Variants in COLEC12 observed in about 807,000 individuals in gnomAD.
COLEC12 encodes collectin-12.
A neutral mutation model predicts 71.1 loss-of-function variants in COLEC12; 33 were observed. The ratio of observed to expected loss-of-function variants is 0.46; its 90% CI spans 0.35 to 0.62. COLEC12 has a LOEUF of 0.62. COLEC12 is among the 20% of genes least tolerant of loss of function. COLEC12 has a pLI of 0.00. For missense variants in COLEC12, 765 were observed against 916.1 expected (o/e 0.84, Z 2.13); for synonymous variants, 350 against 353.0 (o/e 0.99, Z 0.10).
chr18:379,567 G>A (rs1915187359), intron 2 of COLEC12, among the ~76,000 whole-genome samples: 1 of 152,126 alleles, frequency 6.6e-6, no homozygotes, highest in Non-Finnish European at 1.5e-5. Context: ...AGAGTAGAGA[G>A]AAAGACCTAA....
chr18:456,865 C>T lies in COLEC12; in HGVS notation c.58+23842G>A, dbSNP rs1401511020. Among the ~76,000 whole-genome samples, 8 of 152,172 alleles carry T rather than the reference C, an allele frequency of 5.3e-5. No homozygotes were observed. In the East Asian group the frequency reaches 5.8e-4, roughly 11 times the overall value. ...CTACCCAGAAAGCAAAAACAAAATC[C>T]GGGTGGTAAGGAAGAGCCAGGCAGG... On this transcript the variant is annotated intron_variant, in intron 2 of 9. Transcript: ENST00000400256.
chr18:414,298 A>T (rs61541986), intron 2 of COLEC12, among the ~76,000 whole-genome samples: 1 of 152,154 alleles, frequency 6.6e-6, no homozygotes, highest in Non-Finnish European at 1.5e-5. Flanking sequence ...ATGAACAAAA[A>T]CCAAACTTGG....
Position 335,633 on chromosome 18 carries a change from G to A in COLEC12, c.1328-403C>T, listed in dbSNP as rs552826384. 1.3e-4 allele frequency among the ~76,000 whole-genome samples: 20 copies of A among 152,278 alleles called. 1 individual carries two copies. The South Asian group carries it at 4.1e-3, about 32-fold the overall frequency. Reference sequence around the variant, plus strand: ...GATGGACTCCTGCAAACCAAGGAGGGAGGCCTCGGAGGAAACAACACTGCT... The same window carrying A: ...GATGGACTCCTGCAAACCAAGGAGGAAGGCCTCGGAGGAAACAACACTGCT... On this transcript the variant is annotated intron_variant, in intron 5 of 9. Coordinates refer to ENST00000400256, the MANE Select transcript of COLEC12 (RefSeq NM_130386.3).
chr18:481,973 A>T (rs1337387935), intron 1 of COLEC12, among the ~76,000 whole-genome samples: 6 of 151,852 alleles, frequency 4.0e-5, no homozygotes, highest in Admixed American at 1.3e-4. Flanking sequence ...ACATGGGTAA[A>T]TTGTGGGTTG....
rs558080030 is a variant in COLEC12, at chr18:426,619, T to C, written c.58+54088A>G. On this transcript the variant is annotated intron_variant, in intron 2 of 9. Transcript: ENST00000400256. Reference sequence around the variant, plus strand: ...CTGTAACATCTTATTGATTCCCTCATTAATTAATCAGTTAAATAAATCTTT... The same window carrying C: ...CTGTAACATCTTATTGATTCCCTCACTAATTAATCAGTTAAATAAATCTTT... 5.3e-5 allele frequency among the ~76,000 whole-genome samples: 8 copies of C among 152,320 alleles called. No homozygotes were observed. In the East Asian group the frequency reaches 1.5e-3, roughly 29 times the overall value.
chr18:430,542 T>C (rs1276686736), intron 2 of COLEC12, among the ~76,000 whole-genome samples: 1 of 152,204 alleles, frequency 6.6e-6, no homozygotes, highest in East Asian at 1.9e-4. Flanking sequence ...TAAAAATCTC[T>C]AAGAATTTAT....
At chr18:367,770 T>C (rs1243248608) in intron 2 of COLEC12, among the ~76,000 whole-genome samples, 1 of 152,182 alleles carries the variant, frequency 6.6e-6, no homozygotes, top group Non-Finnish European at 1.5e-5. Context: ...CGACCATCCC[T>C]GTCACTAGCC....
chr18:394,944 A>G (rs1915538151), intron 2 of COLEC12, among the ~76,000 whole-genome samples: 1 of 152,222 alleles, frequency 6.6e-6, no homozygotes, highest in African/African-American at 2.4e-5. Flanking sequence ...AAAACAAAAA[A>G]AACACCTGGT....
Position 334,977 on chromosome 18 carries a change from G to A in COLEC12, c.1581C>T (p.Gly527=). The change falls in exon 6 of 10, where the codon GGC becomes GGT. Residue 527 remains glycine, a synonymous_variant. Coordinates refer to ENST00000400256, the MANE Select transcript of COLEC12 (RefSeq NM_130386.3). ...CCTCTTTGCCTGGTGGGCCCGGGGG[G>A]CCTGGGTCCCCACTGGAGCCCTGAG... ...PGPQGSSGDP[G]PPGPPGKEGL... 1 of 1,562,378 alleles carries A rather than the reference G, an allele frequency of 6.4e-7. No individual in the cohort carries two copies. The highest frequency in any genetic ancestry group is 8.6e-7 in the Non-Finnish European group (1 of 1,158,796).
At chr18:409,353 G>A (rs1373302746) in intron 2 of COLEC12, among the ~76,000 whole-genome samples, 1 of 152,178 alleles carries the variant, frequency 6.6e-6, no homozygotes, top group East Asian at 1.9e-4. Context: ...CCAAACTGTG[G>A]CAAAACCCCG....
chr18:433,770 C>A (rs1367889767), intron 2 of COLEC12, among the ~76,000 whole-genome samples: 5 of 152,046 alleles, frequency 3.3e-5, no homozygotes, highest in Admixed American at 2.0e-4. Flanking sequence ...TCGAGACCAG[C>A]CTGGGGAACA....
At chr18:338,377 T>A (rs771445278) in intron 5 of COLEC12, among the ~76,000 whole-genome samples, 1 of 152,222 alleles carries the variant, frequency 6.6e-6, no homozygotes, top group Non-Finnish European at 1.5e-5. Context: ...GCTCACAATT[T>A]GTGCCCCAGG....
In COLEC12 at chr18:319,719, G is replaced by A. The variant is rs1259361137; in HGVS notation, c.*326C>T. ...GCTTAAGTTCTTCCCATAACTCAAC[G>A]ACCAATGATAACCTTTTTCTGATTG... On this transcript the variant is annotated 3_prime_UTR_variant, in exon 10 of 10. Transcript: ENST00000400256. 1.2e-5 allele frequency: 4 copies of A among 341,142 alleles called. No individual in the cohort carries two copies. The highest frequency in any genetic ancestry group is 1.6e-5 in the Non-Finnish European group (3 of 187,348). The allele number at this position is 341,142 out of a possible 1,614,324, so 21.1% of individuals were successfully genotyped here. A position where few individuals can be genotyped will look rare whatever the true frequency, so the allele number is the denominator to read the frequency against.
intron 2 of COLEC12, among the ~76,000 whole-genome samples, chr18:405,536 C>T (rs1170287154): frequency 1.3e-5 from 2 of 152,140 alleles, no homozygotes; most frequent in African/African-American, 2.4e-5. Context: ...ATTTCTCAGC[C>T]GGCTGACACT....
chr18:336,927 C>G (rs142866655), intron 5 of COLEC12, among the ~76,000 whole-genome samples: 8 of 152,170 alleles, frequency 5.3e-5, no homozygotes, highest in Non-Finnish European at 1.2e-4. Context: ...ATGATCATAG[C>G]TCACTGCAAC....
At chr18:483,800 T>C (rs1288845324) in intron 1 of COLEC12, among the ~76,000 whole-genome samples, 1 of 152,252 alleles carries the variant, frequency 6.6e-6, no homozygotes, top group African/African-American at 2.4e-5. Flanking sequence ...GCTGACCTGC[T>C]GCGTCTGCTT....
intron 2 of COLEC12, among the ~76,000 whole-genome samples, chr18:449,947 A>C (rs1916727378): frequency 6.6e-6 from 1 of 152,236 alleles, no homozygotes; most frequent in Admixed American, 6.5e-5. Flanking sequence ...AACATTATTT[A>C]AAAAACAGCT....
At chr18:485,722 GT>G (rs1442775794) in intron 1 of COLEC12, among the ~76,000 whole-genome samples, 9 of 152,188 alleles carry the variant, frequency 5.9e-5, no homozygotes, top group Non-Finnish European at 8.8e-5. Flanking sequence ...GTGAAGTTTG[GT>G]TCTGTTGGCT....
intron 6 of COLEC12, 113 bp downstream of exon 6, chr18:334,629 A>G: frequency 1.0e-6 from 1 of 1,004,396 alleles, no homozygotes; most frequent in Non-Finnish European, 1.4e-6. Context: ...CCCTGTCTCA[A>G]AACAAAAACA....
Sources: allele counts gnomAD v4.1 joint callset (sites outside exome capture counted in the v4.1 genomes callset), GRCh38; gene constraint gnomAD v4.1.1; transcripts MANE v1.5; gene names NCBI Gene and HGNC (gene_info 2026-07-23, HGNC 2026-07-21).